Variants in TENM3 observed in about 807,000 individuals in gnomAD.
The protein encoded by TENM3 is teneurin-3.
Under a neutral mutation model 255.1 loss-of-function variants are expected in TENM3, and 63 were observed. The observed-to-expected ratio is 0.25, with a 90% CI of 0.20 to 0.30. The LOEUF (loss-of-function observed/expected upper bound fraction) is 0.30, where lower values mean the gene tolerates loss of function less well. Ranked by LOEUF, TENM3 falls within the 10% of genes least tolerant of loss-of-function variation. The pLI, the probability that TENM3 is intolerant of heterozygous loss-of-function variation, is 1.00. For synonymous variants in TENM3, 1,306 were observed against 1,322.3 expected (o/e 0.99, Z 0.27); for missense variants, 2,929 against 3,461.1 (o/e 0.85, Z 3.86).
the TENM3 span, among the ~76,000 whole-genome samples, chr4:181,458,158 A>G: frequency 6.6e-6 from 1 of 151,974 alleles, no homozygotes; most frequent in African/African-American, 2.4e-5. Context: ...ATATAGTGTT[A>G]GCTTAAAAAT....
chr4:182,193,738 C>T (rs1753675490), intron 1 of TENM3, among the ~76,000 whole-genome samples: 1 of 152,070 alleles, frequency 6.6e-6, no homozygotes, highest in Non-Finnish European at 1.5e-5. Context: ...CCCTGTGTTA[C>T]AAAGATGTTA....
the TENM3 span, among the ~76,000 whole-genome samples, chr4:181,472,497 G>A: frequency 6.6e-6 from 1 of 152,110 alleles, no homozygotes; most frequent in African/African-American, 2.4e-5. Context: ...CCTGCAGCCA[G>A]GCTCCTCTTT....
the TENM3 span, among the ~76,000 whole-genome samples, chr4:182,094,139 G>T: frequency 6.6e-6 from 1 of 152,094 alleles, no homozygotes; most frequent in Non-Finnish European, 1.5e-5. Flanking sequence ...CTTGAAGAGA[G>T]CCCAGAAGTC....
At chr4:182,128,443 G>A in the TENM3 span, among the ~76,000 whole-genome samples, 50 of 152,190 alleles carry the variant, frequency 3.3e-4, no homozygotes, top group East Asian at 9.1e-3. Flanking sequence ...TTCCCAAAGT[G>A]CTGGGATTAC....
chr4:182,162,976 A>C (rs1751457744), intron 1 of TENM3, among the ~76,000 whole-genome samples: 1 of 152,144 alleles, frequency 6.6e-6, no homozygotes, highest in Non-Finnish European at 1.5e-5. Context: ...AGGCCTGAGG[A>C]GCAAAGCTGC....
the TENM3 span, among the ~76,000 whole-genome samples, chr4:181,731,686 A>G: frequency 1.3e-5 from 2 of 152,196 alleles, no homozygotes; most frequent in East Asian, 3.9e-4. Flanking sequence ...AATGTGTTGA[A>G]TTAGTATGGC....
intron 1 of TENM3, among the ~76,000 whole-genome samples, chr4:182,203,959 A>T (rs529602896): frequency 6.6e-6 from 1 of 152,350 alleles, no homozygotes; most frequent in African/African-American, 2.4e-5. Context: ...TTCATCCAAG[A>T]TATAACATGG....
the TENM3 span, among the ~76,000 whole-genome samples, chr4:181,878,391 A>G: frequency 6.6e-6 from 1 of 152,118 alleles, no homozygotes; most frequent in Admixed American, 6.5e-5. Context: ...TTAGCAGTAC[A>G]TCAAGGATAG....
At chr4:182,005,288 G>T in the TENM3 span, among the ~76,000 whole-genome samples, 4,439 of 152,202 alleles carry the variant, frequency 0.029, 199 homozygotes, top group African/African-American at 0.1. Flanking sequence ...TCTGCATAGG[G>T]GTAGCCAGTT....
intron 19 of TENM3, 91 bp from the exon 20 acceptor site, chr4:182,751,709 G>C (rs1343687226): frequency 2.3e-6 from 2 of 870,984 alleles, no homozygotes; most frequent in African/African-American, 3.3e-5. Context: ...ACTATAATCA[G>C]TTTCTCATGA....
chr4:181,906,109 A>G, the TENM3 span: 1 of 308,754 alleles, frequency 3.2e-6, no homozygotes, highest in Non-Finnish European at 6.5e-6. Context: ...GCACTGGATA[A>G]AATGGCAGGC....
At chr4:182,207,618 T>A (rs2149867382) in intron 1 of TENM3, among the ~76,000 whole-genome samples, 1 of 152,302 alleles carries the variant, frequency 6.6e-6, no homozygotes, top group East Asian at 1.9e-4. Context: ...AGGGTGGATT[T>A]TAAAATAACT....
chr4:181,948,774 C>A, the TENM3 span, among the ~76,000 whole-genome samples: 3 of 152,056 alleles, frequency 2.0e-5, no homozygotes, highest in Non-Finnish European at 2.9e-5. Context: ...CTGAAAAGTA[C>A]CCCCACCCCC....
chr4:181,931,269 T>C, the TENM3 span, among the ~76,000 whole-genome samples: 1 of 152,188 alleles, frequency 6.6e-6, no homozygotes, highest in South Asian at 2.1e-4. Flanking sequence ...GAAAACCCCA[T>C]CATCTCAGCC....
At chr4:181,567,986 GA>G in the TENM3 span, among the ~76,000 whole-genome samples, 9 of 150,378 alleles carry the variant, frequency 6.0e-5, no homozygotes, top group East Asian at 9.8e-4. Context: ...GATGAAAACA[GA>G]AAAAAAAATC....
chr4:181,665,294 A>G, the TENM3 span, among the ~76,000 whole-genome samples: 3 of 152,176 alleles, frequency 2.0e-5, no homozygotes, highest in Non-Finnish European at 2.9e-5. Context: ...ATATTACTGA[A>G]GTAGTATATA....
chr4:181,929,545 A>G, the TENM3 span, among the ~76,000 whole-genome samples: 1 of 152,150 alleles, frequency 6.6e-6, no homozygotes, highest in East Asian at 1.9e-4. Context: ...GTGCTTAGAG[A>G]ACTACAAAGA....
intron 3 of TENM3, among the ~76,000 whole-genome samples, chr4:182,586,339 A>G (rs1001420808): frequency 1.3e-5 from 2 of 152,192 alleles, no homozygotes; most frequent in Admixed American, 6.5e-5. Flanking sequence ...AGTACTTGCC[A>G]TTCACGGGGC....
At chr4:182,089,102 AC>A in the TENM3 span, among the ~76,000 whole-genome samples, 1 of 152,114 alleles carries the variant, frequency 6.6e-6, no homozygotes, top group Non-Finnish European at 1.5e-5. Context: ...CCCTCACCAG[AC>A]CCTGAATCAA....
Sources: allele counts gnomAD v4.1 joint callset (sites outside exome capture counted in the v4.1 genomes callset), GRCh38; gene constraint gnomAD v4.1.1; transcripts MANE v1.5; gene names NCBI Gene and HGNC (gene_info 2026-07-23, HGNC 2026-07-21).